Variants in RASA2 observed in about 807,000 individuals in gnomAD.
RASA2 encodes the protein RAS p21 protein activator 2, also known as ras GTPase-activating protein 2.
A neutral mutation model predicts 118.2 loss-of-function variants in RASA2; 155 were observed. That is an observed-to-expected ratio of 1.31 (90% CI 1.15 to 1.50). The LOEUF (loss-of-function observed/expected upper bound fraction) is 1.50, where lower values mean the gene tolerates loss of function less well. RASA2 is among the 40% of genes most tolerant of loss of function. The pLI is 0.00. For synonymous variants in RASA2, 353 were observed against 349.1 expected, an observed-to-expected ratio of 1.01 and a Z score of -0.12; for missense variants, 1,016 against 1,009.6, an observed-to-expected ratio of 1.01 and a Z score of -0.09.
intron 19 of RASA2, among the ~76,000 whole-genome samples, chr3:141,597,819 C>A: frequency 6.6e-6 from 1 of 151,306 alleles, no homozygotes; most frequent in African/African-American, 2.4e-5. Context: ...TTGAAAAATG[C>A]CTAGAAAGAC....
chr3:141,571,303 C>T lies in RASA2; in HGVS notation c.1021-103C>T, dbSNP rs1000335709. On this transcript the variant is annotated intron_variant, in intron 10 of 23. Transcript: ENST00000286364. Reference sequence around the variant, plus strand: ...TTCGAAAATTAAATGTCCTGTATAACAGCTTTAGTGACATTATTTCAGTTA... The same window carrying T: ...TTCGAAAATTAAATGTCCTGTATAATAGCTTTAGTGACATTATTTCAGTTA... 13 of 1,453,934 alleles carry T rather than the reference C, an allele frequency of 8.9e-6. No homozygotes were observed. In the African/African-American group the frequency reaches 1.4e-4, roughly 16 times the overall value. 90.1% of individuals were successfully genotyped at this position (1,453,934 alleles called of 1,614,324 possible). A position where few individuals can be genotyped will look rare whatever the true frequency, so the allele number is the denominator to read the frequency against.
intron 1 of RASA2, among the ~76,000 whole-genome samples, chr3:141,496,141 T>C (rs190014522): frequency 3.0e-4 from 45 of 152,274 alleles, no homozygotes; most frequent in African/African-American, 9.1e-4. Context: ...CTGGAACCCT[T>C]CCTTACACCT....
intron 19 of RASA2, among the ~76,000 whole-genome samples, chr3:141,589,694 A>G (rs1395832525): frequency 6.6e-6 from 1 of 152,050 alleles, no homozygotes; most frequent in Non-Finnish European, 1.5e-5. Flanking sequence ...TACAAAAATT[A>G]GCCAGGCGTG....
At chr3:141,546,488 C>T (rs1464474202) in intron 5 of RASA2, among the ~76,000 whole-genome samples, 1 of 152,150 alleles carries the variant, frequency 6.6e-6, no homozygotes, top group Non-Finnish European at 1.5e-5. Flanking sequence ...TGTATGTCTT[C>T]TTTTGAGAAA....
At chr3:141,507,478 A>G (rs2081886584) in intron 1 of RASA2, among the ~76,000 whole-genome samples, 1 of 152,134 alleles carries the variant, frequency 6.6e-6, no homozygotes, top group African/African-American at 2.4e-5. Context: ...GATCAGAAAG[A>G]CTTTTGCAGA....
rs143580414 is a variant in RASA2 at position 141,557,341 on chromosome 3, A to T, written c.684+1429A>T. Among the ~76,000 whole-genome samples the T allele has an allele frequency of 1.7e-3, 254 of 152,344 alleles. 2 individuals are homozygous for T. The highest frequency in any genetic ancestry group is 0.014 in the Admixed American group (213 of 15,290). On this transcript the variant is annotated intron_variant, in intron 7 of 23. Coordinates refer to ENST00000286364, the MANE Select transcript of RASA2 (RefSeq NM_006506.5). ...CAGTAGATATTGGGGAGGTCAGATG[A>T]ACTCTGCTCCATTAAAGGCTTGAAG...
intron 1 of RASA2, among the ~76,000 whole-genome samples, chr3:141,496,306 A>G (rs971182699): frequency 2.0e-5 from 3 of 152,368 alleles, no homozygotes; most frequent in South Asian, 2.1e-4. Context: ...ACAAAAGCCA[A>G]AATTGACAAA....
chr3:141,502,800 T>C (rs1460744954), intron 1 of RASA2, among the ~76,000 whole-genome samples: 1 of 152,212 alleles, frequency 6.6e-6, no homozygotes, highest in Non-Finnish European at 1.5e-5. Context: ...GGACCCTGGC[T>C]CTTTGCAGTT....
At position 141,540,565 on chromosome 3, in the gene RASA2, A is replaced by T; in HGVS notation, c.483A>T (p.Glu161Asp). 6.2e-7 allele frequency: 1 copy of T among 1,612,996 alleles called. No homozygotes were observed. The highest frequency in any genetic ancestry group is 2.2e-5 in the East Asian group (1 of 44,776). Reference protein sequence around the residue: ...GKVHLELKLNELITENGTVCQ... With the variant: ...GKVHLELKLNDLITENGTVCQ... ...TTCACCTTGAATTAAAACTGAATGA[A>T]CTGATAACGGAGAATGGAACTGTAT... Residue 161 changes from glutamate (E) to aspartate (D), a missense_variant, in exon 5 of 24, where the codon GAA (glutamate) becomes GAT (aspartate). Glu to Asp is a conservative substitution (Grantham distance 45). Coordinates refer to ENST00000286364, the MANE Select transcript of RASA2 (RefSeq NM_006506.5).
chr3:141,517,485 T>C (rs573264190), intron 3 of RASA2, among the ~76,000 whole-genome samples: 11 of 152,058 alleles, frequency 7.2e-5, no homozygotes, highest in African/African-American at 1.2e-4. Context: ...TACACACTTT[T>C]ACAATAACCA....
intron 1 of RASA2, among the ~76,000 whole-genome samples, chr3:141,501,623 A>G (rs985946429): frequency 6.6e-6 from 1 of 152,220 alleles, no homozygotes; most frequent in Non-Finnish European, 1.5e-5. Flanking sequence ...TTGCTATACT[A>G]TACTAGTACT....
intron 9 of RASA2, among the ~76,000 whole-genome samples, chr3:141,561,088 GA>G (rs914167410): frequency 5.9e-5 from 9 of 152,130 alleles, no homozygotes; most frequent in Non-Finnish European, 1.0e-4. Flanking sequence ...CACAGAGGGG[GA>G]AAAAAATCAA....
intron 3 of RASA2, among the ~76,000 whole-genome samples, chr3:141,519,072 C>G (rs546443765): frequency 6.6e-6 from 1 of 152,204 alleles, no homozygotes; most frequent in South Asian, 2.1e-4. Flanking sequence ...GTCTCTTTTT[C>G]CCCAGGATAA....
chr3:141,586,467 A>G (rs1233490629), intron 18 of RASA2, among the ~76,000 whole-genome samples, 179 bp from the exon 19 acceptor site: 1 of 152,086 alleles, frequency 6.6e-6, no homozygotes, highest in Non-Finnish European at 1.5e-5. Flanking sequence ...TTAATTAAAG[A>G]CCTTATTCCT....
intron 9 of RASA2, among the ~76,000 whole-genome samples, chr3:141,564,276 G>A (rs530336994): frequency 3.3e-5 from 5 of 152,090 alleles, no homozygotes; most frequent in South Asian, 2.1e-4. Context: ...ATAAAGTTGC[G>A]CTCTGAGCAA....
intron 2 of RASA2, among the ~76,000 whole-genome samples, chr3:141,512,526 T>A (rs952474599): frequency 5.5e-4 from 84 of 152,306 alleles, no homozygotes; most frequent in Admixed American, 2.0e-3. Context: ...TCAAAGTACA[T>A]CTTTATTTTA....
intron 5 of RASA2, among the ~76,000 whole-genome samples, chr3:141,547,635 A>G (rs905046042): frequency 5.9e-5 from 9 of 152,162 alleles, no homozygotes; most frequent in African/African-American, 1.7e-4. Flanking sequence ...AGATCATATC[A>G]TCTGTGAACA....
intron 2 of RASA2, among the ~76,000 whole-genome samples, chr3:141,515,011 G>A (rs2151083011): frequency 6.6e-6 from 1 of 152,292 alleles, no homozygotes; most frequent in Admixed American, 6.5e-5. Flanking sequence ...AACTGAAGGA[G>A]AGGCATAAGA....
chr3:141,509,818 A>G (rs200209842), intron 1 of RASA2, among the ~76,000 whole-genome samples: 1 of 152,220 alleles, frequency 6.6e-6, no homozygotes, highest in East Asian at 1.9e-4. Context: ...ATACCGGTTC[A>G]GATATAGATT....
Sources: gnomAD v4.1 joint callset for allele counts (sites outside exome capture counted in the v4.1 genomes callset) on GRCh38, gnomAD v4.1.1 for gene constraint, MANE v1.5 for transcripts, NCBI Gene and HGNC (gene_info 2026-07-23, HGNC 2026-07-21) for gene names.